The following CNBD1 variants were observed in gnomAD, a reference collection of about 807,000 sequenced individuals.
The protein encoded by CNBD1 is cyclic nucleotide binding domain containing 1.
A neutral mutation model predicts 54.4 loss-of-function variants in CNBD1; 71 were observed. The observed-to-expected ratio is 1.30, with a 90% CI of 1.08 to 1.59. CNBD1 has a LOEUF of 1.59. Among genes scored for constraint, CNBD1 ranks in the 40% most tolerant of loss-of-function variants. The pLI is 0.00. For synonymous variants in CNBD1, 182 were observed against 170.7 expected (o/e 1.07, Z -0.51); for missense variants, 659 against 518.0 (o/e 1.27, Z -2.64).
chr8:87,352,217 A>G (rs967728350), intron 9 of CNBD1, among the ~76,000 whole-genome samples: 1 of 152,164 alleles, frequency 6.6e-6, no homozygotes, highest in East Asian at 1.9e-4. Flanking sequence ...ACAGTGGCTC[A>G]TGTCTGTAAT....
intron 4 of CNBD1, among the ~76,000 whole-genome samples, chr8:86,956,039 T>G (rs1183508732): frequency 6.6e-6 from 1 of 152,318 alleles, no homozygotes; most frequent in East Asian, 1.9e-4. Flanking sequence ...AGTTTCAGCT[T>G]TCTACATATG....
chr8:87,301,280 G>T (rs1808984013), intron 8 of CNBD1, among the ~76,000 whole-genome samples: 1 of 151,996 alleles, frequency 6.6e-6, no homozygotes, highest in African/African-American at 2.4e-5. Context: ...TCAAAGAATT[G>T]GTACTAATCC....
chr8:87,087,700 T>C (rs887407951), intron 4 of CNBD1, among the ~76,000 whole-genome samples: 2 of 151,996 alleles, frequency 1.3e-5, no homozygotes, highest in Non-Finnish European at 2.9e-5. Flanking sequence ...TCCCCTGACC[T>C]CGTGATCCGC....
intron 8 of CNBD1, among the ~76,000 whole-genome samples, chr8:87,340,879 T>C (rs1810050716): frequency 1.3e-5 from 2 of 152,274 alleles, no homozygotes; most frequent in South Asian, 2.1e-4. Context: ...TACCGCCATT[T>C]CTTTAGTGTC....
chr8:87,176,381 A>G (rs1459220911), intron 4 of CNBD1, among the ~76,000 whole-genome samples: 1 of 152,240 alleles, frequency 6.6e-6, no homozygotes, highest in Non-Finnish European at 1.5e-5. Context: ...TTTGCATTCA[A>G]TATCATCTGC....
chr8:87,415,541 G>A (rs762185772), intron 2 of CNBD1, among the ~76,000 whole-genome samples: 2 of 151,912 alleles, frequency 1.3e-5, no homozygotes, highest in Non-Finnish European at 2.9e-5. Context: ...CTACAGTATT[G>A]TTTACTCTTC....
chr8:87,408,538 G>C (rs900222637), intron 2 of CNBD1, among the ~76,000 whole-genome samples: 6 of 152,028 alleles, frequency 3.9e-5, no homozygotes, highest in Admixed American at 2.6e-4. Context: ...ACTTTGGGCT[G>C]CTTTTTTCTT....
At chr8:87,401,629 T>A (rs1460308331) in intron 2 of CNBD1, among the ~76,000 whole-genome samples, 2 of 152,066 alleles carry the variant, frequency 1.3e-5, no homozygotes, top group Non-Finnish European at 2.9e-5. Context: ...GCCATGAGAA[T>A]CTGCATCCAT....
chr8:87,078,018 T>G (rs575885804), intron 4 of CNBD1, among the ~76,000 whole-genome samples: 55 of 152,288 alleles, frequency 3.6e-4, no homozygotes, highest in Non-Finnish European at 5.1e-4. Context: ...CTTAATAACC[T>G]CCCAAAGGTC....
intron 8 of CNBD1, among the ~76,000 whole-genome samples, chr8:87,330,347 A>T: frequency 6.8e-6 from 1 of 147,522 alleles, no homozygotes; most frequent in Non-Finnish European, 1.5e-5. Context: ...CAATTTTATT[A>T]ATTTTGGCTC....
In CNBD1 at chr8:87,349,282, T is replaced by A. The variant is rs569304811; in HGVS notation, c.1043-2403T>A. On this transcript the variant is annotated intron_variant, in intron 8 of 10. Coordinates refer to ENST00000518476, the MANE Select transcript of CNBD1 (RefSeq NM_173538.3). ...ATGATCAGAGGCTGAATGAGTAAAA[T>A]TAGGAACAACAATCAGGGTAGGGAG... 9.2e-5 allele frequency among the ~76,000 whole-genome samples: 14 copies of A among 152,290 alleles called. No homozygotes were observed. In the East Asian group the frequency reaches 2.7e-3, roughly 29 times the overall value.
intron 4 of CNBD1, among the ~76,000 whole-genome samples, chr8:87,134,661 G>C (rs973373517): frequency 1.5e-5 from 2 of 132,412 alleles, no homozygotes; most frequent in Non-Finnish European, 3.1e-5. Context: ...GGAGTGCAGT[G>C]GCTCTGTCTT....
At chr8:87,320,609 C>CGT (rs745720471) in intron 8 of CNBD1, among the ~76,000 whole-genome samples, 7 of 130,694 alleles carry the variant, frequency 5.4e-5, no homozygotes, top group South Asian at 2.3e-4. Context: ...TGTATGTGCA[C>CGT]GTGTGTGTGT....
chr8:87,404,243 T>G (rs1455059745), intron 2 of CNBD1, among the ~76,000 whole-genome samples: 2 of 151,990 alleles, frequency 1.3e-5, no homozygotes, highest in African/African-American at 4.8e-5. Context: ...AACAGCTTGT[T>G]TATGGCTCAT....
At chr8:87,091,215 C>T (rs921846629) in intron 4 of CNBD1, among the ~76,000 whole-genome samples, 20 of 151,512 alleles carry the variant, frequency 1.3e-4, no homozygotes, top group Non-Finnish European at 1.5e-5. Flanking sequence ...AGTTACTTGG[C>T]AGATATATTT....
intron 3 of CNBD1, among the ~76,000 whole-genome samples, chr8:86,916,092 G>C (rs903638198): frequency 6.6e-6 from 1 of 152,280 alleles, no homozygotes; most frequent in East Asian, 1.9e-4. Context: ...TTAAGTAGGA[G>C]GAAGATATAA....
Position 87,205,979 on chromosome 8 carries a change from T to C in CNBD1, c.432-14T>C. On this transcript the variant is annotated splice_polypyrimidine_tract_variant and intron_variant, in intron 4 of 10. Transcript: ENST00000518476. The stretch of plus-strand genomic sequence containing the variant: ...GCCATGGTCTCTGAATTTGTATTTT[T>C]TTTTTTTTTTGAGGCCCATTCACAG... The C allele has an allele frequency of 1.4e-6, 2 of 1,459,940 alleles. No homozygotes were observed. The highest frequency in any genetic ancestry group is 1.8e-6 in the Non-Finnish European group (2 of 1,108,544). 90.4% of individuals were successfully genotyped at this position (1,459,940 alleles called of 1,614,324 possible).
At chr8:86,908,800 T>TTGAGAAGGAGTCC (rs11273948) in intron 3 of CNBD1, among the ~76,000 whole-genome samples, 1 of 135,776 alleles carries the variant, frequency 7.4e-6, no homozygotes, top group Non-Finnish European at 1.6e-5. Flanking sequence ...TTTTTTTTTT[T>TTGAGAAGGAGTCC]TGTGCTGAGG....
chr8:86,927,579 C>T (rs1809383485), intron 3 of CNBD1, among the ~76,000 whole-genome samples: 1 of 151,986 alleles, frequency 6.6e-6, no homozygotes, highest in Non-Finnish European at 1.5e-5. Flanking sequence ...GTGTTGGATG[C>T]ATAAAGGGGC....
Sources: gnomAD v4.1 joint callset for allele counts (sites outside exome capture counted in the v4.1 genomes callset) on GRCh38, gnomAD v4.1.1 for gene constraint, MANE v1.5 for transcripts, NCBI Gene and HGNC (gene_info 2026-07-23, HGNC 2026-07-21) for gene names.